SEC14L6: variants seen among roughly 807,000 people sequenced by gnomAD.
The protein encoded by SEC14L6 is SEC14 like lipid binding 6, also known as SEC14-like protein 6.
A neutral mutation model predicts 54.1 loss-of-function variants in SEC14L6; 40 were observed. The observed-to-expected ratio is 0.74, with a 90% CI of 0.57 to 0.96. The LOEUF (loss-of-function observed/expected upper bound fraction) is 0.96, where lower values mean the gene tolerates loss of function less well. Among genes scored for constraint, SEC14L6 ranks in the 40% least tolerant of loss-of-function variants. The probability of loss-of-function intolerance (pLI) is 0.00; values close to 1 mark genes in which losing one functional copy is unlikely to be tolerated. For synonymous variants in SEC14L6, 171 were observed against 198.4 expected, an observed-to-expected ratio of 0.86 and a Z score of 1.16; for missense variants, 471 against 498.3, an observed-to-expected ratio of 0.95 and a Z score of 0.52.
chr22:30,544,248 T>A, intron 1 of SEC14L6: 2 of 535,402 alleles, frequency 3.7e-6, no homozygotes, highest in South Asian at 2.6e-5. Flanking sequence ...TCCTTGGCTC[T>A]CCAGCAGCCA....
chr22:30,534,177 G>T, intron 2 of SEC14L6, 138 bp from the exon 3 acceptor site: 1 of 675,072 alleles, frequency 1.5e-6, no homozygotes, highest in Non-Finnish European at 2.5e-6. Flanking sequence ...GACCTGGGGA[G>T]CCACAATGGC....
At chr22:30,543,932 G>A (rs2085769419) in intron 1 of SEC14L6, 1 of 1,606,244 alleles carries the variant, frequency 6.2e-7, no homozygotes, top group Non-Finnish European at 8.5e-7. Flanking sequence ...GAGTATGCCA[G>A]CATTCAGACC....
intron 1 of SEC14L6, chr22:30,542,506 G>A (rs368299950): frequency 3.2e-5 from 23 of 721,150 alleles, no homozygotes; most frequent in Non-Finnish European, 4.8e-5. Context: ...CGGGGACCCG[G>A]CCTCTGGGCA....
Position 30,531,996 on chromosome 22 carries a change from C to T in SEC14L6, c.426G>A (p.Leu142=), listed in dbSNP as rs1936992868. Residue 142 remains leucine (L), a splice_region_variant and synonymous_variant, in exon 6 of 12, where the codon CTG becomes CTA. Coordinates refer to ENST00000402034, the MANE Select transcript of SEC14L6 (RefSeq NM_001193336.4). ...CTATGATTTTCTCCACCCTCTTCCCCAGCTGCAAGGGAATGACAGGGGGTG... is the reference window on the plus strand; with the variant it reads ...CTATGATTTTCTCCACCCTCTTCCCTAGCTGCAAGGGAATGACAGGGGGTG... ...LRECELQSQK[L]GKRVEKIIAI... 2 of 1,550,476 alleles carry T rather than the reference C, an allele frequency of 1.3e-6. No homozygotes were observed. The highest frequency in any genetic ancestry group is 2.7e-5 in the African/African-American group (2 of 73,178).
At chr22:30,528,283 G>T (rs1226563854) in intron 8 of SEC14L6, among the ~76,000 whole-genome samples, 1 of 151,332 alleles carries the variant, frequency 6.6e-6, no homozygotes, top group Non-Finnish European at 1.5e-5. Context: ...CACCACGCCC[G>T]GCTAATTTTT....
At position 30,544,229 on chromosome 22, in the gene SEC14L6, C is replaced by T. The variant is rs192134663; in HGVS notation, c.54+2400G>A. The T allele has an allele frequency of 2.0e-3, 1,144 of 575,516 alleles. 10 individuals are homozygous for T. The East Asian group carries it at 0.02, about 10-fold the overall frequency. The allele number at this position is 575,516 out of a possible 1,614,324, so 35.7% of individuals were successfully genotyped here. On this transcript the variant is annotated intron_variant, in intron 1 of 11. Transcript: ENST00000402034. ...CCAGGGGCCAGGGTGGCTCTTCTCTCCCCACCCCTCCTTGGCTCTCCAGCA... is the reference window on the plus strand; with the variant it reads ...CCAGGGGCCAGGGTGGCTCTTCTCTTCCCACCCCTCCTTGGCTCTCCAGCA...
intron 8 of SEC14L6, among the ~76,000 whole-genome samples, chr22:30,527,749 A>G (rs924684524): frequency 6.6e-6 from 1 of 150,870 alleles, no homozygotes; most frequent in Non-Finnish European, 1.5e-5. Flanking sequence ...AAGTCCTAAC[A>G]TGCATTTTCC....
At position 30,529,115 on chromosome 22, in the gene SEC14L6, C is replaced by T; in HGVS notation, c.636G>A (p.Glu212=). Residue 212 remains glutamate (E), a synonymous_variant, in exon 8 of 12, where the codon GAG becomes GAA. Coordinates refer to ENST00000402034, the MANE Select transcript of SEC14L6 (RefSeq NM_001193336.4). ...FNLVKSYMSE[E]TRRKVVILGD... is the part of the protein sequence containing the mutation. ...CGAGAATCACCACCTTCCTGCGTGT[C>T]TCTTCACTCATGTAAGACTTGACCA... 6.4e-7 allele frequency: 1 copy of T among 1,551,256 alleles called. No individual in the cohort carries two copies. The highest frequency in any genetic ancestry group is 8.7e-7 in the Non-Finnish European group (1 of 1,147,166).
At chr22:30,531,441 C>G (rs201231725) in intron 6 of SEC14L6, among the ~76,000 whole-genome samples, 1 of 148,642 alleles carries the variant, frequency 6.7e-6, no homozygotes, top group African/African-American at 2.5e-5. Flanking sequence ...AAAAAAAAAA[C>G]GGGCCAGGCA....
intron 1 of SEC14L6, 140 bp from the exon 2 acceptor site, chr22:30,539,042 AAC>A: frequency 1.6e-6 from 1 of 610,012 alleles, no homozygotes. Flanking sequence ...GTCAAGCCAT[AAC>A]AGTTTGTTTC....
rs539827824 is a variant in SEC14L6 at position 30,525,546 on chromosome 22, A to G, written c.912-27T>C. On this transcript the variant is annotated intron_variant, in intron 10 of 11. Transcript: ENST00000402034. ...TGCAGTGGATAGAGCCCCATTGGCG[A>G]CCCCCTGCCTGGGCTCCAGGCCCCT... The G allele has an allele frequency of 8.3e-4, 1,327 of 1,606,920 alleles. 2 individuals carry two copies. Among genetic ancestry groups the G allele is most frequent in the Middle Eastern group, 7.3e-3 (44 of 6,000 alleles).
In SEC14L6 at chr22:30,528,422, C is replaced by CTTTTTTT. The variant is rs375073961; in HGVS notation, c.664+658_664+664dup. ...AGGCGTGAACCACCGCGCTCGGCCT[C>CTTTTTTT]TTTTTTTTTTTTTTTTTTTGAGATA... On this transcript the variant is annotated intron_variant, in intron 8 of 11. Transcript: ENST00000402034. Among the ~76,000 whole-genome samples, 8 of 105,536 alleles carry CTTTTTTT rather than the reference C, an allele frequency of 7.6e-5. 1 individual carries two copies. The highest frequency in any genetic ancestry group is 1.6e-4 in the African/African-American group (4 of 25,066). 69.2% of individuals were successfully genotyped at this position (105,536 alleles called of 152,430 possible).
chr22:30,527,726 A>G (rs1368645317), intron 8 of SEC14L6, among the ~76,000 whole-genome samples: 2 of 151,258 alleles, frequency 1.3e-5, no homozygotes, highest in Admixed American at 6.6e-5. Context: ...AAAAAAAAAA[A>G]AAAAAAAAAA....
At chr22:30,527,714 CA>C (rs778118906) in intron 8 of SEC14L6, among the ~76,000 whole-genome samples, 1,639 of 30,144 alleles carry the variant, frequency 0.054, 7 homozygotes, top group East Asian at 0.16. Context: ...GACCTTGTCT[CA>C]AAAAAAAAAA....
chr22:30,529,168 G>A lies in SEC14L6; in HGVS notation c.583C>T (p.Pro195Ser), dbSNP rs1601880527. The A allele has an allele frequency of 1.3e-6, 2 of 1,550,938 alleles. No homozygotes were observed. The highest frequency in any genetic ancestry group is 1.7e-6 in the Non-Finnish European group (2 of 1,147,086). Reference sequence around the variant, plus strand: ...TTGAAGGCTACGGCGAATAGCTTGGGGGCTGAAACCAGGCACAGAACTGCT... The same window carrying A: ...TTGAAGGCTACGGCGAATAGCTTGGAGGCTGAAACCAGGCACAGAACTGCT... Reference protein sequence around the residue: ...ILKSLIVVRAPKLFAVAFNLV... With the variant: ...ILKSLIVVRASKLFAVAFNLV... Residue 195 changes from proline (P) to serine (S), a missense_variant and splice_region_variant, in exon 8 of 12, where the codon CCC (proline) becomes TCC (serine). Physicochemically the swap from Pro to Ser is moderately conservative, Grantham distance 74. Coordinates refer to ENST00000402034, the MANE Select transcript of SEC14L6 (RefSeq NM_001193336.4).
intron 6 of SEC14L6, among the ~76,000 whole-genome samples, chr22:30,531,273 T>A (rs1008917729): frequency 7.9e-5 from 12 of 151,008 alleles, no homozygotes; most frequent in Admixed American, 3.3e-4. Context: ...CCGGGCGTGG[T>A]GGCAGGCGCC....
intron 1 of SEC14L6, among the ~76,000 whole-genome samples, chr22:30,544,479 C>T (rs2085778250): frequency 6.6e-6 from 1 of 152,062 alleles, no homozygotes; most frequent in Non-Finnish European, 1.5e-5. Context: ...CTGACCTCCA[C>T]CACCACCACC....
intron 11 of SEC14L6, 74 bp from the exon 12 acceptor site, chr22:30,525,183 G>A (rs996583488): frequency 1.0e-4 from 132 of 1,257,670 alleles, no homozygotes; most frequent in Non-Finnish European, 1.4e-4. Flanking sequence ...AAATCTCTGC[G>A]TGGGTACCCA....
chr22:30,526,065 G>A, intron 8 of SEC14L6, 133 bp from the exon 9 acceptor site: 1 of 1,046,258 alleles, frequency 9.6e-7, no homozygotes, highest in Non-Finnish European at 1.4e-6. Flanking sequence ...CCATTGCCTA[G>A]AGCAGTCCTG....
Sources: gnomAD v4.1 joint callset for allele counts (sites outside exome capture counted in the v4.1 genomes callset) on GRCh38, gnomAD v4.1.1 for gene constraint, MANE v1.5 for transcripts, NCBI Gene and HGNC (gene_info 2026-07-23, HGNC 2026-07-21) for gene names.